AGPAT5: variants seen among roughly 807,000 people sequenced by gnomAD.
The protein encoded by AGPAT5 is 1-acylglycerol-3-phosphate O-acyltransferase 5.
AGPAT5 carries 46 observed loss-of-function variants against 45.6 expected under a neutral mutation model. That is an observed-to-expected ratio of 1.01 (90% CI 0.80 to 1.29). The LOEUF is 1.29. AGPAT5 is among the 50% of genes most tolerant of loss of function. The pLI is 0.00. For synonymous variants in AGPAT5, 272 were observed against 167.0 expected (o/e 1.63, Z -4.85); for missense variants, 673 against 450.7 (o/e 1.49, Z -4.47).
intron 7 of AGPAT5, among the ~76,000 whole-genome samples, chr8:6,756,155 C>G (rs1801825066): frequency 1.3e-5 from 2 of 152,160 alleles, no homozygotes; most frequent in Admixed American, 1.3e-4. Flanking sequence ...GCTATCATAA[C>G]TTTACAAATC....
At chr8:6,744,495 G>A (rs1262743271) in intron 5 of AGPAT5, among the ~76,000 whole-genome samples, 1 of 152,194 alleles carries the variant, frequency 6.6e-6, no homozygotes, top group African/African-American at 2.4e-5. Context: ...TGTTGGCAGG[G>A]CTGCAGTCCT....
At chr8:6,737,635 A>G (rs75823648) in intron 4 of AGPAT5, among the ~76,000 whole-genome samples, 3 of 152,228 alleles carry the variant, frequency 2.0e-5, no homozygotes, top group South Asian at 2.1e-4. Context: ...TGGCACAAAC[A>G]TGGAGACTTA....
In AGPAT5 at chr8:6,755,098, A is replaced by G; in HGVS notation, c.793A>G (p.Ile265Val). 2 of 1,606,864 alleles carry G rather than the reference A, an allele frequency of 1.2e-6. No individual in the cohort carries two copies. Among genetic ancestry groups the G allele is most frequent in the Non-Finnish European group, 1.7e-6 (2 of 1,178,050 alleles). Reference sequence around the variant, plus strand: ...AAAAATTCATATTCACATTGATCGTATCGACAAAAAAGATGTCCCAGAAGA... The same window carrying G: ...AAAAATTCATATTCACATTGATCGTGTCGACAAAAAAGATGTCCCAGAAGA... ...CPKIHIHIDRIDKKDVPEEQE... is the reference protein window; with the variant it reads ...CPKIHIHIDRVDKKDVPEEQE... Residue 265 changes from isoleucine (I) to valine (V), a missense_variant, in exon 7 of 8, where the codon ATC (isoleucine) becomes GTC (valine). Ile to Val is a conservative substitution (Grantham distance 29). Transcript: ENST00000285518.
intron 3 of AGPAT5, among the ~76,000 whole-genome samples, chr8:6,731,263 T>C (rs1800852723): frequency 6.6e-6 from 1 of 152,234 alleles, no homozygotes; most frequent in African/African-American, 2.4e-5. Context: ...TAATTTTGTT[T>C]GGCATTTTTA....
chr8:6,738,427 A>T (rs777217876), intron 4 of AGPAT5: 2 of 152,220 alleles, frequency 1.3e-5, no homozygotes, highest in South Asian at 4.1e-4. Flanking sequence ...GTCATCTTAT[A>T]TGGGTGCAAT....
At chr8:6,745,631 T>C (rs1801418580) in intron 5 of AGPAT5, 1 of 152,188 alleles carries the variant, frequency 6.6e-6, no homozygotes, top group South Asian at 2.1e-4. Context: ...CCTTTAAACA[T>C]CTCTTCCCTT....
chr8:6,713,203 C>T (rs937910452), intron 1 of AGPAT5, among the ~76,000 whole-genome samples: 1 of 152,192 alleles, frequency 6.6e-6, no homozygotes, highest in Non-Finnish European at 1.5e-5. Context: ...TTCCTGGCCT[C>T]AGGTGATCCT....
chr8:6,715,076 A>G (rs1196245183), intron 1 of AGPAT5, among the ~76,000 whole-genome samples: 3 of 152,310 alleles, frequency 2.0e-5, no homozygotes, highest in East Asian at 3.9e-4. Context: ...TCCCGTGTGT[A>G]CATTGTTCCA....
chr8:6,738,494 C>T (rs1441110345), intron 4 of AGPAT5: 1 of 152,096 alleles, frequency 6.6e-6, no homozygotes, highest in East Asian at 1.9e-4. Context: ...ATCACAATAA[C>T]AGATATAATA....
rs1271538811 is a variant in AGPAT5 at position 6,758,977 on chromosome 8, C to G, written c.*1589C>G. 1 of 152,454 alleles carries G rather than the reference C, an allele frequency of 6.6e-6. No homozygotes were observed. Among genetic ancestry groups the G allele is most frequent in the African/African-American group, 2.4e-5 (1 of 41,446 alleles). 9.4% of individuals were successfully genotyped at this position (152,454 alleles called of 1,614,324 possible). A position where few individuals can be genotyped will look rare whatever the true frequency, so the allele number is the denominator to read the frequency against. ...ACTGTGTTACACTGCTTCTCCCATGCCAGAGAATAAACTCTTTCAAGCATC... is the reference window on the plus strand; with the variant it reads ...ACTGTGTTACACTGCTTCTCCCATGGCAGAGAATAAACTCTTTCAAGCATC... On this transcript the variant is annotated 3_prime_UTR_variant, in exon 8 of 8. Transcript: ENST00000285518.
intron 4 of AGPAT5, among the ~76,000 whole-genome samples, chr8:6,740,824 G>GT (rs1297175053): frequency 6.6e-6 from 1 of 151,986 alleles, no homozygotes; most frequent in Non-Finnish European, 1.5e-5. Context: ...AATAAACGTA[G>GT]TTTTCTCCCA....
chr8:6,716,484 A>G (rs901758371), intron 1 of AGPAT5, among the ~76,000 whole-genome samples: 3 of 151,822 alleles, frequency 2.0e-5, no homozygotes, highest in South Asian at 4.2e-4. Context: ...TCACTTGAAC[A>G]TGGGAGGTAG....
At chr8:6,723,816 A>G (rs1316603970) in intron 1 of AGPAT5, among the ~76,000 whole-genome samples, 1 of 152,218 alleles carries the variant, frequency 6.6e-6, no homozygotes, top group Non-Finnish European at 1.5e-5. Context: ...TTGTCTGCAA[A>G]GTTGTTGGGT....
intron 1 of AGPAT5, among the ~76,000 whole-genome samples, chr8:6,712,644 G>C (rs1800192016): frequency 6.6e-6 from 1 of 152,056 alleles, no homozygotes; most frequent in Non-Finnish European, 1.5e-5. Flanking sequence ...GGATTGGGTA[G>C]GACTCATGAA....
rs1237242210 is a variant in AGPAT5 at position 6,732,599 on chromosome 8, C to T, written c.444C>T (p.Asn148=). 17 of 1,610,694 alleles carry T rather than the reference C, an allele frequency of 1.1e-5. No individual in the cohort carries two copies. Among genetic ancestry groups the T allele is most frequent in the East Asian group, 9.0e-5 (4 of 44,692 alleles). Residue 148 remains asparagine (N), a synonymous_variant, in exon 4 of 8, where the codon AAC becomes AAT. Transcript: ENST00000285518. ...GIYVKRSAKF[N]EKEMRNKLQS... is the part of the protein sequence containing the mutation. ...ATGTAAAGCGCAGTGCCAAATTTAA[C>T]GAGAAAGAGATGCGAAACAAGTTGC... is the stretch of plus-strand genomic sequence containing the variant.
At position 6,755,115 on chromosome 8, in the gene AGPAT5, C is replaced by T. The variant is rs574641058; in HGVS notation, c.810C>T (p.Val270=). 3 of 1,607,834 alleles carry T rather than the reference C, an allele frequency of 1.9e-6. No homozygotes were observed. Among genetic ancestry groups the T allele is most frequent in the African/African-American group, 1.3e-5 (1 of 74,750 alleles). ...TTGATCGTATCGACAAAAAAGATGT[C>T]CCAGAAGAACAAGAACATATGAGAA... ...IHIDRIDKKD[V]PEEQEHMRRW... is the part of the protein sequence containing the mutation. The change falls in exon 7 of 8, where the codon GTC becomes GTT. Residue 270 remains valine (V), a synonymous_variant. Coordinates refer to ENST00000285518, the MANE Select transcript of AGPAT5 (RefSeq NM_018361.5).
chr8:6,744,951 G>T (rs1038033081), intron 5 of AGPAT5, among the ~76,000 whole-genome samples: 2 of 152,156 alleles, frequency 1.3e-5, no homozygotes, highest in African/African-American at 4.8e-5. Flanking sequence ...GCCAAGCCAG[G>T]CCATTTCATT....
At chr8:6,748,141 C>T (rs2912078) in intron 6 of AGPAT5, among the ~76,000 whole-genome samples, 64,014 of 151,864 alleles carry the variant, frequency 0.42, 13,613 homozygotes, top group East Asian at 0.48. Flanking sequence ...GGAGCACGCC[C>T]GGCAGTACTG....
chr8:6,751,094 G>A (rs1801642447), intron 6 of AGPAT5, among the ~76,000 whole-genome samples: 1 of 151,674 alleles, frequency 6.6e-6, no homozygotes, highest in African/African-American at 2.4e-5. Context: ...TATATGAATT[G>A]ATGGGTGTTC....
Sources: allele counts gnomAD v4.1 joint callset (sites outside exome capture counted in the v4.1 genomes callset), GRCh38; gene constraint gnomAD v4.1.1; transcripts MANE v1.5; gene names NCBI Gene and HGNC (gene_info 2026-07-23, HGNC 2026-07-21).